The following RALYL variants were observed in gnomAD, a reference collection of about 807,000 sequenced individuals.
The protein encoded by RALYL is RNA-binding Raly-like protein.
In RALYL, 29 loss-of-function variants were observed where a neutral mutation model predicts 35.1. The ratio of observed to expected loss-of-function variants is 0.83; its 90% confidence interval spans 0.61 to 1.13. RALYL has a LOEUF of 1.13. RALYL is among the 50% of genes most tolerant of loss of function. The pLI, the probability that RALYL is intolerant of heterozygous loss-of-function variation, is 0.00. For synonymous variants in RALYL, 120 were observed against 127.6 expected (o/e 0.94, Z 0.40); for missense variants, 359 against 360.4 (o/e 1.00, Z 0.03).
At chr8:84,681,092 A>G (rs190735968) in intron 2 of RALYL, among the ~76,000 whole-genome samples, 8 of 152,266 alleles carry the variant, frequency 5.3e-5, no homozygotes, top group African/African-American at 1.9e-4. Context: ...TCCCAGGACC[A>G]TTTATTAAAT....
chr8:84,810,796 T>C (rs931717800), intron 4 of RALYL, among the ~76,000 whole-genome samples: 2 of 152,180 alleles, frequency 1.3e-5, no homozygotes, highest in Non-Finnish European at 2.9e-5. Context: ...TTGTCTGATA[T>C]AAGAATAGTT....
At chr8:84,193,015 T>C (rs1814364018) in intron 1 of RALYL, among the ~76,000 whole-genome samples, 1 of 151,924 alleles carries the variant, frequency 6.6e-6, no homozygotes, top group Non-Finnish European at 1.5e-5. Context: ...TAGTATTCCA[T>C]CTATTTGAAT....
chr8:84,237,801 A>T (rs1826919512), intron 1 of RALYL, among the ~76,000 whole-genome samples: 1 of 152,154 alleles, frequency 6.6e-6, no homozygotes. Context: ...GCATATGTGA[A>T]AGAACATTTC....
At chr8:84,704,534 CA>C (rs1418127252) in intron 2 of RALYL, among the ~76,000 whole-genome samples, 2 of 151,726 alleles carry the variant, frequency 1.3e-5, no homozygotes, top group Non-Finnish European at 2.9e-5. Flanking sequence ...TTGTGCCAGG[CA>C]TTGATCTAAC....
rs776556433 is a variant in RALYL, at chr8:84,893,774, C to G, written c.858+5998C>G. Among the ~76,000 whole-genome samples the G allele has an allele frequency of 5.5e-4, 83 of 152,166 alleles. 1 individual carries two copies. Among genetic ancestry groups the G allele is most frequent in the Admixed American group, 3.2e-3 (49 of 15,264 alleles). On this transcript the variant is annotated intron_variant, in intron 8 of 8. Transcript: ENST00000521268. ...ATCAATTCCCAAAGGAAACTATAGACAAGCAAAACATTTAAATGGATTAAG... is the reference window on the plus strand; with the variant it reads ...ATCAATTCCCAAAGGAAACTATAGAGAAGCAAAACATTTAAATGGATTAAG...
intron 1 of RALYL, among the ~76,000 whole-genome samples, chr8:84,293,806 A>T (rs1839236586): frequency 6.6e-6 from 1 of 152,110 alleles, no homozygotes; most frequent in Non-Finnish European, 1.5e-5. Flanking sequence ...TTTTAGGATA[A>T]GTGTTGGGAT....
At chr8:84,631,669 A>G (rs1048710685) in intron 2 of RALYL, among the ~76,000 whole-genome samples, 4 of 151,904 alleles carry the variant, frequency 2.6e-5, no homozygotes, top group Admixed American at 6.6e-5. Context: ...GGATAGAGGA[A>G]GACTGAAAGT....
rs184067153 is a variant in RALYL, at chr8:84,642,129, G to T, written c.256+112552G>T. On this transcript the variant is annotated intron_variant, in intron 2 of 8. Coordinates refer to ENST00000521268, the MANE Select transcript of RALYL (RefSeq NM_173848.7). ...GTATATTACATAAATACATCTAATC[G>T]CATGTATACATGTGTGCACAAAGAT... is the stretch of plus-strand genomic sequence containing the variant. Among the ~76,000 whole-genome samples the T allele has an allele frequency of 2.6e-4, 39 of 151,746 alleles. No homozygotes were observed. In the East Asian group the frequency reaches 6.8e-3, roughly 27 times the overall value.
intron 1 of RALYL, among the ~76,000 whole-genome samples, chr8:84,259,925 T>A (rs1364646599): frequency 6.6e-6 from 1 of 152,162 alleles, no homozygotes; most frequent in African/African-American, 2.4e-5. Flanking sequence ...AATTTGCTCA[T>A]CTGATTTAGC....
rs10093277 is a variant in RALYL, at chr8:84,318,625, C to T, written c.-24+134201C>T. 7.2e-3 allele frequency among the ~76,000 whole-genome samples: 1,099 copies of T among 152,162 alleles called. 9 individuals are homozygous for T. The highest frequency in any genetic ancestry group is 0.025 in the African/African-American group (1,054 of 41,516). On this transcript the variant is annotated intron_variant, in intron 1 of 8. Transcript: ENST00000521268. ...TCCTTCTTGTTATTGGCCATTTACTCAGGAAGTTCAAATTTATTTATTTAT... is the reference window on the plus strand; with the variant it reads ...TCCTTCTTGTTATTGGCCATTTACTTAGGAAGTTCAAATTTATTTATTTAT...
intron 8 of RALYL, among the ~76,000 whole-genome samples, chr8:84,914,944 T>C (rs6991900): frequency 0.094 from 14,245 of 152,002 alleles, 1,211 homozygotes; most frequent in African/African-American, 0.23. Context: ...CTACAACGCT[T>C]CTTCCCGCAA....
intron 2 of RALYL, among the ~76,000 whole-genome samples, chr8:84,682,490 G>A (rs866189246): frequency 2.0e-4 from 30 of 152,140 alleles, no homozygotes; most frequent in African/African-American, 6.0e-4. Flanking sequence ...TTGGTTGGTA[G>A]GCTATTAATT....
intron 6 of RALYL, chr8:84,864,693 G>A: frequency 2.0e-6 from 1 of 507,026 alleles, no homozygotes; most frequent in Admixed American, 2.3e-5. Flanking sequence ...CAAGCCATAG[G>A]CTATAGGTGC....
intron 1 of RALYL, among the ~76,000 whole-genome samples, chr8:84,221,269 T>A (rs1822131774): frequency 6.8e-6 from 1 of 147,354 alleles, no homozygotes; most frequent in Non-Finnish European, 1.5e-5. Flanking sequence ...GCTAATCTTA[T>A]AAGAAAATGG....
chr8:84,299,430 T>C (rs1554609278), intron 1 of RALYL, among the ~76,000 whole-genome samples: 2 of 151,950 alleles, frequency 1.3e-5, no homozygotes, highest in Non-Finnish European at 1.5e-5. Context: ...TGAAGTTTTA[T>C]TTTTTTGTTG....
At chr8:84,412,297 T>G (rs1309331344) in intron 1 of RALYL, among the ~76,000 whole-genome samples, 1 of 151,982 alleles carries the variant, frequency 6.6e-6, no homozygotes, top group African/African-American at 2.4e-5. Context: ...CTGAGATTCT[T>G]AGAGTTTGTA....
chr8:84,483,368 G>C (rs929858027), intron 1 of RALYL, among the ~76,000 whole-genome samples: 1 of 152,046 alleles, frequency 6.6e-6, no homozygotes, highest in Admixed American at 6.5e-5. Context: ...GAGGTGTAGG[G>C]TATTCATTGC....
chr8:84,396,259 T>A (rs1453222538), intron 1 of RALYL, among the ~76,000 whole-genome samples: 1 of 152,050 alleles, frequency 6.6e-6, no homozygotes, highest in Non-Finnish European at 1.5e-5. Flanking sequence ...TACCTTCCCA[T>A]GATGGGCTCA....
chr8:84,759,094 A>G (rs886722577), intron 2 of RALYL, among the ~76,000 whole-genome samples: 1 of 152,044 alleles, frequency 6.6e-6, no homozygotes, highest in Non-Finnish European at 1.5e-5. Flanking sequence ...GTCTCATATC[A>G]TGGCACTATG....
Sources: allele counts gnomAD v4.1 joint callset (sites outside exome capture counted in the v4.1 genomes callset), GRCh38; gene constraint gnomAD v4.1.1; transcripts MANE v1.5; gene names NCBI Gene and HGNC (gene_info 2026-07-23, HGNC 2026-07-21).